The following PTPRT variants were observed in gnomAD, a reference collection of about 807,000 sequenced individuals.
The protein encoded by PTPRT is receptor-type tyrosine-protein phosphatase T.
In PTPRT, 56 loss-of-function variants were observed where a neutral mutation model predicts 176.8. The ratio of observed to expected loss-of-function variants is 0.32; its 90% CI spans 0.26 to 0.40. The LOEUF is 0.40. Among genes scored for constraint, PTPRT ranks in the 10% least tolerant of loss-of-function variants. PTPRT has a pLI of 1.00. For synonymous variants in PTPRT, 783 were observed against 739.0 expected (o/e 1.06, Z -0.96); for missense variants, 1,540 against 1,908.2 (o/e 0.81, Z 3.60).
chr20:42,299,641 CTTTT>C (rs34045854), intron 12 of PTPRT, among the ~76,000 whole-genome samples: 397 of 85,980 alleles, frequency 4.6e-3, no homozygotes, highest in Non-Finnish European at 6.5e-3. Context: ...GAACTTTTGC[CTTTT>C]TTTTTTTTTT....
chr20:42,590,927 C>CGTGT (rs11468131), intron 7 of PTPRT, among the ~76,000 whole-genome samples: 2,616 of 131,070 alleles, frequency 0.02, 41 homozygotes, highest in Non-Finnish European at 0.029. Context: ...AGAGATTTAG[C>CGTGT]GTGTGTGTGT....
chr20:42,259,671 G>C (rs906196563), intron 13 of PTPRT, among the ~76,000 whole-genome samples: 1 of 152,216 alleles, frequency 6.6e-6, no homozygotes, highest in Non-Finnish European at 1.5e-5. Context: ...TCAGACCGCA[G>C]TCAAGGTTAA....
At chr20:43,013,910 G>C (rs1261960889) in intron 1 of PTPRT, among the ~76,000 whole-genome samples, 1 of 152,178 alleles carries the variant, frequency 6.6e-6, no homozygotes, top group African/African-American at 2.4e-5. Context: ...TATGACATGA[G>C]GAGAATAATA....
At chr20:42,889,572 C>T (rs1263102185) in intron 1 of PTPRT, among the ~76,000 whole-genome samples, 1 of 152,172 alleles carries the variant, frequency 6.6e-6, no homozygotes, top group Admixed American at 6.5e-5. Context: ...TAATGTCCCT[C>T]CTACAGAAGA....
intron 7 of PTPRT, among the ~76,000 whole-genome samples, chr20:42,487,729 C>T (rs1349248757): frequency 6.6e-6 from 1 of 152,132 alleles, no homozygotes; most frequent in African/African-American, 2.4e-5. Context: ...AGGAACACAG[C>T]CCTGCAGACC....
chr20:42,575,811 C>T (rs1432894130), intron 7 of PTPRT, among the ~76,000 whole-genome samples: 2 of 152,118 alleles, frequency 1.3e-5, no homozygotes, highest in Non-Finnish European at 2.9e-5. Context: ...TTTTCTCCAG[C>T]GCCCACACCC....
At chr20:42,840,639 T>C (rs1600817331) in intron 2 of PTPRT, among the ~76,000 whole-genome samples, 1 of 152,086 alleles carries the variant, frequency 6.6e-6, no homozygotes, top group Admixed American at 6.6e-5. Flanking sequence ...TCTCAAACTC[T>C]TGACCTCAAG....
At chr20:42,413,300 T>C (rs1223119399) in intron 9 of PTPRT, among the ~76,000 whole-genome samples, 1 of 152,184 alleles carries the variant, frequency 6.6e-6, no homozygotes, top group African/African-American at 2.4e-5. Context: ...TGAGTGCTTC[T>C]CCTATACTCT....
At chr20:42,582,179 G>C (rs1432578345) in intron 7 of PTPRT, among the ~76,000 whole-genome samples, 1 of 152,210 alleles carries the variant, frequency 6.6e-6, no homozygotes, top group African/African-American at 2.4e-5. Flanking sequence ...GGAGAGAAGA[G>C]AGGAGGGAAG....
intron 13 of PTPRT, among the ~76,000 whole-genome samples, chr20:42,272,759 T>TACACAG (rs2056960818): frequency 1.3e-5 from 2 of 151,952 alleles, no homozygotes; most frequent in Non-Finnish European, 2.9e-5. Flanking sequence ...ACAGTGGGGC[T>TACACAG]ACACAGAGTC....
At chr20:43,159,048 G>A (rs893013931) in intron 1 of PTPRT, among the ~76,000 whole-genome samples, 3 of 151,982 alleles carry the variant, frequency 2.0e-5, no homozygotes, top group African/African-American at 4.8e-5. Context: ...GGTAATCCTA[G>A]GGGGCACTGG....
At chr20:42,837,930 T>G (rs1418720730) in intron 2 of PTPRT, among the ~76,000 whole-genome samples, 2 of 152,112 alleles carry the variant, frequency 1.3e-5, no homozygotes, top group African/African-American at 2.4e-5. Flanking sequence ...CCTAGACAGA[T>G]ATCCATCTGT....
chr20:42,314,989 T>C (rs2057695226), intron 12 of PTPRT, among the ~76,000 whole-genome samples: 1 of 152,190 alleles, frequency 6.6e-6, no homozygotes, highest in Admixed American at 6.5e-5. Context: ...TGTTTGAGAT[T>C]GTTGAATGAC....
intron 4 of PTPRT, among the ~76,000 whole-genome samples, chr20:42,778,986 T>G (rs139576143): frequency 6.6e-6 from 1 of 152,304 alleles, no homozygotes; most frequent in Non-Finnish European, 1.5e-5. Context: ...TACCAGTTGC[T>G]TCTTGGGAAA....
rs75764865 is a variant in PTPRT at position 42,668,676 on chromosome 20, T to C, written c.1153+9190A>G. ...GAACATCTTATGCCCTCACAGGTGCTTGTCCGTCTGCGGATAATTCTTTTT... is the reference window on the plus strand; with the variant it reads ...GAACATCTTATGCCCTCACAGGTGCCTGTCCGTCTGCGGATAATTCTTTTT... On this transcript the variant is annotated intron_variant, in intron 7 of 30. Coordinates refer to ENST00000373187, the MANE Select transcript of PTPRT (RefSeq NM_007050.6). Among the ~76,000 whole-genome samples, 608 of 150,364 alleles carry C rather than the reference T, an allele frequency of 4.0e-3. 6 individuals are homozygous for C. Among genetic ancestry groups the C allele is most frequent in the African/African-American group, 0.014 (579 of 40,810 alleles).
chr20:42,934,388 T>C (rs1980046048), intron 1 of PTPRT, among the ~76,000 whole-genome samples: 1 of 152,200 alleles, frequency 6.6e-6, no homozygotes, highest in Non-Finnish European at 1.5e-5. Flanking sequence ...CATAACAAAA[T>C]TTCCCTAAAA....
chr20:43,116,788 G>A (rs187914181), intron 1 of PTPRT, among the ~76,000 whole-genome samples: 1 of 152,280 alleles, frequency 6.6e-6, no homozygotes, highest in Non-Finnish European at 1.5e-5. Context: ...ATTTGCAACA[G>A]GTGCACAGGT....
intron 1 of PTPRT, among the ~76,000 whole-genome samples, chr20:43,091,252 C>T (rs988707883): frequency 1.3e-5 from 2 of 152,088 alleles, no homozygotes; most frequent in Middle Eastern, 3.4e-3. Flanking sequence ...ACCCTGAAAT[C>T]TTCCAATGTA....
chr20:43,109,121 T>C (rs1328441842), intron 1 of PTPRT, among the ~76,000 whole-genome samples: 1 of 152,138 alleles, frequency 6.6e-6, no homozygotes. Flanking sequence ...TTCCTTGCTC[T>C]CCAGGACACA....
Sources: gnomAD v4.1 joint callset for allele counts (sites outside exome capture counted in the v4.1 genomes callset) on GRCh38, gnomAD v4.1.1 for gene constraint, MANE v1.5 for transcripts, NCBI Gene and HGNC (gene_info 2026-07-23, HGNC 2026-07-21) for gene names.